NBL1: variants seen among roughly 807,000 people sequenced by gnomAD.
The protein encoded by NBL1 is NBL1, DAN family BMP antagonist.
NBL1 carries 9 observed loss-of-function variants against 16.0 expected under a neutral mutation model. The ratio of observed to expected loss-of-function variants is 0.56; its 90% CI spans 0.34 to 0.98. NBL1 has a LOEUF of 0.98. Among genes scored for constraint, NBL1 ranks in the 50% least tolerant of loss-of-function variants. The pLI, the probability that NBL1 is intolerant of heterozygous loss-of-function variation, is 0.02. For missense variants in NBL1, 196 were observed against 243.1 expected, an observed-to-expected ratio of 0.81 and a Z score of 1.29; for synonymous variants, 86 against 100.7, an observed-to-expected ratio of 0.85 and a Z score of 0.87.
intron 1 of NBL1, among the ~76,000 whole-genome samples, chr1:19,653,285 C>CAA (rs10631531): frequency 0.21 from 19,674 of 92,452 alleles, 2,357 homozygotes; most frequent in Non-Finnish European, 0.27. Context: ...GACTCCGTCT[C>CAA]AAAAAAAAAA....
At chr1:19,646,114 C>G in intron 1 of NBL1, 1 of 1,486,434 alleles carries the variant, frequency 6.7e-7, no homozygotes, top group South Asian at 1.2e-5. Context: ...CTGGGTGGCA[C>G]GGGGTCGGCC....
At chr1:19,645,890 G>A (rs534172427) in intron 1 of NBL1, 3 of 1,544,806 alleles carry the variant, frequency 1.9e-6, no homozygotes, top group Admixed American at 2.0e-5. Flanking sequence ...CTCAAGGGTC[G>A]GAGGCTGCCG....
upstream of NBL1, chr1:19,643,769 G>T: frequency 9.8e-7 from 1 of 1,021,972 alleles, no homozygotes; most frequent in Non-Finnish European, 1.2e-6. This position sits in a 1 kb window ranked among gnomAD's most constrained non-coding sequence, Gnocchi z 4.7. Flanking sequence ...GCACGGACTT[G>T]AACCGGGTCG....
chr1:19,648,582 C>T (rs1334060166), intron 1 of NBL1, among the ~76,000 whole-genome samples: 8 of 152,262 alleles, frequency 5.3e-5, no homozygotes, highest in African/African-American at 1.9e-4. Context: ...TGTTTGTTCC[C>T]TGCCCTCTTC....
intron 1 of NBL1, among the ~76,000 whole-genome samples, chr1:19,654,091 G>C (rs1204693964): frequency 6.6e-6 from 1 of 152,156 alleles, no homozygotes; most frequent in Non-Finnish European, 1.5e-5. Context: ...TTTTGCCTGA[G>C]GTCTGGCCAG....
chr1:19,647,873 G>A lies in NBL1; in HGVS notation c.-20+3427G>A, dbSNP rs535128036. Among the ~76,000 whole-genome samples the A allele has an allele frequency of 2.8e-3, 416 of 147,400 alleles. 4 individuals carry two copies. Among genetic ancestry groups the A allele is most frequent in the African/African-American group, 9.9e-3 (379 of 38,160 alleles). ...CTGGTGTGTGTGTGTGTGCGTGTGTGTGTGTGTGTGCGTGTGCGCGCGTGT... is the reference window on the plus strand; with the variant it reads ...CTGGTGTGTGTGTGTGTGCGTGTGTATGTGTGTGTGCGTGTGCGCGCGTGT... On this transcript the variant is annotated intron_variant, in intron 1 of 3. Transcript: ENST00000375136.
At chr1:19,648,984 C>T (rs569680126) in intron 1 of NBL1, among the ~76,000 whole-genome samples, 2 of 152,274 alleles carry the variant, frequency 1.3e-5, no homozygotes, top group Admixed American at 1.3e-4. Flanking sequence ...CCAGTCCAGG[C>T]AGTGGCTGAA....
intron 1 of NBL1, among the ~76,000 whole-genome samples, chr1:19,647,132 C>A (rs1456614388): frequency 6.6e-6 from 1 of 152,172 alleles, no homozygotes; most frequent in African/African-American, 2.4e-5. Context: ...TTAGCACTGT[C>A]CCCACTTTGC....
At chr1:19,643,570 C>T (rs149258105), upstream of NBL1, 37 of 1,412,380 alleles carry the variant, frequency 2.6e-5, no homozygotes, top group Middle Eastern at 6.6e-4. The surrounding 1 kb of genome is among the most constrained non-coding windows in gnomAD (Gnocchi z 4.7). Flanking sequence ...TAGGAACCCC[C>T]GAGGTGAGGC....
At chr1:19,648,558 G>C (rs560640245) in intron 1 of NBL1, among the ~76,000 whole-genome samples, 2 of 152,246 alleles carry the variant, frequency 1.3e-5, no homozygotes, top group Non-Finnish European at 2.9e-5. Context: ...AAAGCAACCA[G>C]GGCAGGGCTG....
In NBL1 at chr1:19,655,029, G is replaced by T. The variant is rs980688849; in HGVS notation, c.-2G>T. On this transcript the variant is annotated 5_prime_UTR_variant, in exon 2 of 4. Transcript: ENST00000375136. ...CGTTCTAGGGCTCTGGAGGCCACGG[G>T]CATGATGCTTCGGGTCCTGGTGGGG... The T allele has an allele frequency of 6.2e-7, 1 of 1,605,726 alleles. No homozygotes were observed. The highest frequency in any genetic ancestry group is 1.7e-5 in the Admixed American group (1 of 59,716).
chr1:19,645,784 CA>C (rs1279263818), intron 1 of NBL1: 2 of 1,413,996 alleles, frequency 1.4e-6, no homozygotes, highest in African/African-American at 2.9e-5. Flanking sequence ...GAGGGGTGGA[CA>C]GGGGAGTAGG....
At chr1:19,656,496 A>G (rs2095057189) in intron 3 of NBL1, among the ~76,000 whole-genome samples, 1 of 149,980 alleles carries the variant, frequency 6.7e-6, no homozygotes, top group South Asian at 2.1e-4. Context: ...AGAGTGGTGC[A>G]GGGTCAGGGG....
Position 19,644,321 on chromosome 1 carries a change from C to A in NBL1, c.-145C>A, listed in dbSNP as rs1280227709. The stretch of plus-strand genomic sequence containing the variant: ...CGCCCGCCCGGGGCCGCAGACAGCG[C>A]GCAGCGCAGCCCAGCCGAGCGTCGC... On this transcript the variant is annotated 5_prime_UTR_variant, in exon 1 of 4. Transcript: ENST00000375136. The surrounding 1 kb of genome is among the most constrained non-coding windows in gnomAD (Gnocchi z 4.6). The A allele has an allele frequency of 1.0e-6, 1 of 979,262 alleles. No individual in the cohort carries two copies. Among genetic ancestry groups the A allele is most frequent in the Non-Finnish European group, 1.2e-6 (1 of 827,658 alleles). The allele number at this position is 979,262 out of a possible 1,614,324, so 60.7% of individuals were successfully genotyped here.
intron 1 of NBL1, among the ~76,000 whole-genome samples, chr1:19,652,749 A>T (rs924924062): frequency 2.6e-4 from 40 of 152,122 alleles, no homozygotes; most frequent in Admixed American, 1.9e-3. Flanking sequence ...GCACCTTGGG[A>T]GGCCGAGGTG....
At chr1:19,656,013 A>G (rs945590569) in intron 3 of NBL1, among the ~76,000 whole-genome samples, 3 of 151,964 alleles carry the variant, frequency 2.0e-5, no homozygotes, top group African/African-American at 7.3e-5. Context: ...TGACTGGGGC[A>G]CACCCTGGTA....
Position 19,656,898 on chromosome 1 carries a change from G to GC in NBL1, c.318dup (p.Arg107GlnfsTer13), listed in dbSNP as rs1381458959. The stretch of plus-strand genomic sequence containing the variant: ...TGGAGTGCCCGGGCCACGAGGAGGT[G>GC]CCCAGGGTGGACAAGCTGGTGGAGA... On this transcript the variant is annotated frameshift_variant, in exon 4 of 4. Transcript: ENST00000375136. LOFTEE classifies it high-confidence loss of function. The GC allele has an allele frequency of 6.2e-7, 1 of 1,613,072 alleles. No individual in the cohort carries two copies. Among genetic ancestry groups the GC allele is most frequent in the Non-Finnish European group, 8.5e-7 (1 of 1,179,488 alleles).
chr1:19,655,206 A>G lies in NBL1; in HGVS notation c.170+6A>G, dbSNP rs60600249. On this transcript the variant is annotated splice_donor_region_variant and intron_variant, in intron 2 of 3. Coordinates refer to ENST00000375136, the MANE Select transcript of NBL1 (RefSeq NM_005380.8). ...GCCAAGTCCATCCAGAACAGGTGGGACCCAAGGGGTGGGTGGGGGGATGCG... is the reference window on the plus strand; with the variant it reads ...GCCAAGTCCATCCAGAACAGGTGGGGCCCAAGGGGTGGGTGGGGGGATGCG... 34,373 of 1,604,562 alleles carry G rather than the reference A, an allele frequency of 0.021. 544 individuals are homozygous for G. The highest frequency in any genetic ancestry group is 0.078 in the African/African-American group (5,826 of 74,726).
rs2095067005 is a variant in NBL1 at position 19,658,327 on chromosome 1, A to G, written c.*1198A>G. On this transcript the variant is annotated 3_prime_UTR_variant, in exon 4 of 4. Coordinates refer to ENST00000375136, the MANE Select transcript of NBL1 (RefSeq NM_005380.8). ...CTGTGCCCAGGGTGGCTGCCAGCCC[A>G]CTGCCTCCTGCCTGGGGTGGCCTGG... is the stretch of plus-strand genomic sequence containing the variant. The G allele has an allele frequency of 6.5e-6, 1 of 152,774 alleles. No homozygotes were observed. Among genetic ancestry groups the G allele is most frequent in the African/African-American group, 2.4e-5 (1 of 41,452 alleles). 9.5% of individuals were successfully genotyped at this position (152,774 alleles called of 1,614,324 possible). A position where few individuals can be genotyped will look rare whatever the true frequency, so the allele number is the denominator to read the frequency against.
Sources: allele counts gnomAD v4.1 joint callset (sites outside exome capture counted in the v4.1 genomes callset), GRCh38; gene constraint gnomAD v4.1.1; non-coding constraint Gnocchi (gnomAD v3.1); transcripts MANE v1.5; gene names NCBI Gene and HGNC (gene_info 2026-07-23, HGNC 2026-07-21).